Variants in PEDS1 observed in about 807,000 individuals in gnomAD.
PEDS1 encodes the protein plasmanylethanolamine desaturase 1.
A neutral mutation model predicts 35.2 loss-of-function variants in PEDS1; 14 were observed. That is an observed-to-expected ratio of 0.40 (90% CI 0.26 to 0.62). The LOEUF (loss-of-function observed/expected upper bound fraction) is 0.62. PEDS1 is among the 20% of genes least tolerant of loss of function. The probability of loss-of-function intolerance (pLI) is 0.44; values close to 1 mark genes in which losing one functional copy is unlikely to be tolerated. For synonymous variants in PEDS1, 152 were observed against 152.0 expected (o/e 1.00, Z 0.00); for missense variants, 260 against 367.8 (o/e 0.71, Z 2.40).
chr20:50,130,372 A>T (rs1457438828), intron 3 of PEDS1, among the ~76,000 whole-genome samples: 2 of 152,180 alleles, frequency 1.3e-5, no homozygotes, highest in East Asian at 3.9e-4. Flanking sequence ...AGGGGAAAGT[A>T]GAGATAGAGA....
rs2081055911 is a variant in PEDS1, at chr20:50,122,087, G to T, written c.*2971C>A. On this transcript the variant is annotated 3_prime_UTR_variant, in exon 6 of 6. Transcript: ENST00000371652. ...GAGAGCCTGCCCTGGGACTTCCACTGCAACTACTGGGAATGCACTTTCCAC... is the reference window on the plus strand; with the variant it reads ...GAGAGCCTGCCCTGGGACTTCCACTTCAACTACTGGGAATGCACTTTCCAC... 1 of 152,214 alleles carries T rather than the reference G, an allele frequency of 6.6e-6. No homozygotes were observed. Among genetic ancestry groups the T allele is most frequent in the Non-Finnish European group, 1.5e-5 (1 of 68,072 alleles). The allele number at this position is 152,214 out of a possible 1,614,324, so 9.4% of individuals were successfully genotyped here. A position where few individuals can be genotyped will look rare whatever the true frequency, so the allele number is the denominator to read the frequency against.
At chr20:50,151,969 G>C (rs2081409158) in intron 1 of PEDS1, among the ~76,000 whole-genome samples, 1 of 152,148 alleles carries the variant, frequency 6.6e-6, no homozygotes, top group African/African-American at 2.4e-5. Context: ...TAACACGAAG[G>C]GGCAGATAAA....
intron 2 of PEDS1, among the ~76,000 whole-genome samples, chr20:50,134,109 T>C (rs1601216576): frequency 6.6e-6 from 1 of 152,248 alleles, no homozygotes; most frequent in South Asian, 2.1e-4. Flanking sequence ...CAGCTCTTGC[T>C]ACCATATTGC....
Position 50,143,583 on chromosome 20 carries a change from A to G in PEDS1, c.160T>C (p.Phe54Leu), listed in dbSNP as rs1249472918. ...ACCAGGTTGTGGGCGATGAGGCTGA[A>G]GCACAGGATCACAGAGCACCACTCC... Reference protein sequence around the residue: ...LQEWCSVILCFSLIAHNLVHL... With the variant: ...LQEWCSVILCLSLIAHNLVHL... The change falls in exon 2 of 6, where the codon TTC becomes CTC. Residue 54 changes from phenylalanine (F) to leucine (L), a missense_variant. This residue lies in a region of PEDS1 where 114 missense variants were observed against 121.6 expected (regional missense o/e 0.94). Coordinates refer to ENST00000371652, the MANE Select transcript of PEDS1 (RefSeq NM_199129.4). 7 of 1,613,990 alleles carry G rather than the reference A, an allele frequency of 4.3e-6. No homozygotes were observed. In the African/African-American group the frequency reaches 9.3e-5, roughly 22 times the overall value.
intron 2 of PEDS1, among the ~76,000 whole-genome samples, chr20:50,131,547 G>T (rs1308241693): frequency 6.6e-6 from 1 of 151,936 alleles, no homozygotes; most frequent in Non-Finnish European, 1.5e-5. Context: ...ACTTGAACTC[G>T]GGAGGCGGAG....
Position 50,143,423 on chromosome 20 carries a change from C to A in PEDS1, c.241+79G>T, listed in dbSNP as rs2081314806. On this transcript the variant is annotated intron_variant, in intron 2 of 5. Transcript: ENST00000371652. ...AAGCACACACATCCATGCATGTGGA[C>A]ACACACACGCGCCAGTTACCCGGTG... is the stretch of plus-strand genomic sequence containing the variant. 5 of 1,540,668 alleles carry A rather than the reference C, an allele frequency of 3.2e-6. No individual in the cohort carries two copies. In the East Asian group the frequency reaches 1.2e-4, roughly 37 times the overall value.
At chr20:50,127,159 C>T (rs1214988774) in intron 5 of PEDS1, among the ~76,000 whole-genome samples, 1 of 152,136 alleles carries the variant, frequency 6.6e-6, no homozygotes, top group Non-Finnish European at 1.5e-5. Flanking sequence ...GGTCTTTGTT[C>T]AAGTGTCACC....
intron 1 of PEDS1, 43 bp from the exon 2 acceptor site, chr20:50,143,664 G>C: frequency 4.3e-6 from 7 of 1,609,456 alleles, no homozygotes; most frequent in Non-Finnish European, 5.9e-6. Flanking sequence ...GAAGGTCAAG[G>C]CCAGGCAGAG....
intron 1 of PEDS1, among the ~76,000 whole-genome samples, chr20:50,144,569 G>C (rs909587267): frequency 6.6e-5 from 10 of 152,332 alleles, no homozygotes; most frequent in African/African-American, 2.4e-4. Context: ...TTGCCACATA[G>C]TTTTCACAGA....
chr20:50,129,533 C>G lies in PEDS1; in HGVS notation c.478+13G>C. 6.2e-7 allele frequency: 1 copy of G among 1,614,024 alleles called. No individual in the cohort carries two copies. Among genetic ancestry groups the G allele is most frequent in the Admixed American group, 1.7e-5 (1 of 60,022 alleles). On this transcript the variant is annotated intron_variant, in intron 4 of 5. Transcript: ENST00000371652. This position sits in a 1 kb window ranked among gnomAD's most constrained non-coding sequence, Gnocchi z 4.2. ...AGGCCCCCTCCCAGCCCACCACTAG[C>G]TGGGTGTCTCACCAGGGCTGTGGGT...
chr20:50,134,073 A>G (rs911144754), intron 2 of PEDS1, among the ~76,000 whole-genome samples: 6 of 152,244 alleles, frequency 3.9e-5, no homozygotes, highest in Admixed American at 1.3e-4. Flanking sequence ...GAGCTATGAC[A>G]GAACTAGATC....
chr20:50,123,023 G>A lies in PEDS1; in HGVS notation c.*2035C>T, dbSNP rs998604712. The A allele has an allele frequency of 6.6e-6, 1 of 151,980 alleles. No individual in the cohort carries two copies. Among genetic ancestry groups the A allele is most frequent in the East Asian group, 1.9e-4 (1 of 5,186 alleles). 9.4% of individuals were successfully genotyped at this position (151,980 alleles called of 1,614,324 possible). A position where few individuals can be genotyped will look rare whatever the true frequency, so the allele number is the denominator to read the frequency against. On this transcript the variant is annotated 3_prime_UTR_variant, in exon 6 of 6. Transcript: ENST00000371652. ...GATCGTTTGTGTCCAGGAGTTCAAGGTTGCTGTGAGCTATTACACCTCACC... is the reference window on the plus strand; with the variant it reads ...GATCGTTTGTGTCCAGGAGTTCAAGATTGCTGTGAGCTATTACACCTCACC...
In PEDS1 at chr20:50,128,302, G is replaced by A; in HGVS notation, c.479-115C>T. The stretch of plus-strand genomic sequence containing the variant: ...GCTCCTGAGCTGGGCAAGCACCCAG[G>A]ATTCTCTTCCACCCCCTGCAGGGCC... On this transcript the variant is annotated intron_variant, in intron 4 of 5. Coordinates refer to ENST00000371652, the MANE Select transcript of PEDS1 (RefSeq NM_199129.4). The surrounding 1 kb of genome is among the most constrained non-coding windows in gnomAD (Gnocchi z 5.2). 7.6e-7 allele frequency: 1 copy of A among 1,319,242 alleles called. No homozygotes were observed. Among genetic ancestry groups the A allele is most frequent in the South Asian group, 1.4e-5 (1 of 72,860 alleles). 81.7% of individuals were successfully genotyped at this position (1,319,242 alleles called of 1,614,324 possible).
In PEDS1 at chr20:50,130,962, G is replaced by A. The variant is rs1397054013; in HGVS notation, c.242-15C>T. 1 of 1,614,234 alleles carries A rather than the reference G, an allele frequency of 6.2e-7. No homozygotes were observed. The highest frequency in any genetic ancestry group is 1.7e-5 in the Admixed American group (1 of 60,024). On this transcript the variant is annotated splice_polypyrimidine_tract_variant and intron_variant, in intron 2 of 5. Coordinates refer to ENST00000371652, the MANE Select transcript of PEDS1 (RefSeq NM_199129.4). ...AGCCCCTGCAACTGTGGACAAGAGGGTGAGTGAAGGGACATCCCTGCACCC... is the reference window on the plus strand; with the variant it reads ...AGCCCCTGCAACTGTGGACAAGAGGATGAGTGAAGGGACATCCCTGCACCC...
At chr20:50,125,619 G>A (rs939540931) in intron 5 of PEDS1, among the ~76,000 whole-genome samples, 1 of 151,524 alleles carries the variant, frequency 6.6e-6, no homozygotes, top group African/African-American at 2.4e-5. Flanking sequence ...ATTTGAGACA[G>A]AGTCTCACTC....
At chr20:50,148,839 C>T (rs958356654) in intron 1 of PEDS1, among the ~76,000 whole-genome samples, 29 of 151,968 alleles carry the variant, frequency 1.9e-4, no homozygotes, top group Non-Finnish European at 5.9e-5. Context: ...GGCTGAGTGC[C>T]GCGGCTCATG....
At chr20:50,135,404 A>T (rs2081223336) in intron 2 of PEDS1, among the ~76,000 whole-genome samples, 1 of 151,946 alleles carries the variant, frequency 6.6e-6, no homozygotes, top group South Asian at 2.1e-4. Flanking sequence ...CACATCTGTA[A>T]TTCTAGCACT....
chr20:50,138,260 A>G (rs1164289152), intron 2 of PEDS1, among the ~76,000 whole-genome samples: 7 of 152,116 alleles, frequency 4.6e-5, no homozygotes, highest in African/African-American at 1.7e-4. Flanking sequence ...CTTCCAGAGG[A>G]GGGTAAGAAC....
At chr20:50,144,451 TG>T (rs1337025473) in intron 1 of PEDS1, among the ~76,000 whole-genome samples, 1 of 152,192 alleles carries the variant, frequency 6.6e-6, no homozygotes, top group East Asian at 1.9e-4. Context: ...AATAGGGCTC[TG>T]GGGCAGTGGG....
Sources: allele counts gnomAD v4.1 joint callset (sites outside exome capture counted in the v4.1 genomes callset), GRCh38; gene constraint gnomAD v4.1.1; regional missense constraint gnomAD v4.1.1; non-coding constraint Gnocchi (gnomAD v3.1); transcripts MANE v1.5; gene names NCBI Gene and HGNC (gene_info 2026-07-23, HGNC 2026-07-21).